GARIN1A: variants seen among roughly 807,000 people sequenced by gnomAD.
The protein encoded by GARIN1A is golgi associated RAB2 interactor 1A, also known as Golgi-associated RAB2 interactor protein 1A.
the GARIN1A span, among the ~76,000 whole-genome samples, chr7:128,688,210 CTA>C: frequency 6.6e-6 from 1 of 152,144 alleles, no homozygotes; most frequent in Non-Finnish European, 1.5e-5. Context: ...TGGGGTTTCA[CTA>C]GGTTGGCCAG....
chr7:128,699,691 G>A, the GARIN1A span, among the ~76,000 whole-genome samples: 1 of 152,122 alleles, frequency 6.6e-6, no homozygotes, highest in South Asian at 2.1e-4. Context: ...AGCATATTCT[G>A]CAATTGTTGG....
chr7:128,684,990 C>T, the GARIN1A span: 1 of 152,012 alleles, frequency 6.6e-6, no homozygotes, highest in Non-Finnish European at 1.5e-5. Context: ...CAACCTCCAC[C>T]TCTCAGGTTC....
the GARIN1A span, among the ~76,000 whole-genome samples, chr7:128,689,794 CA>C: frequency 7.1e-6 from 1 of 141,272 alleles, no homozygotes; most frequent in South Asian, 2.3e-4. Context: ...GGTGGGGGGT[CA>C]GCCCCCGCCC....
At chr7:128,699,707 G>C in the GARIN1A span, among the ~76,000 whole-genome samples, 1 of 152,160 alleles carries the variant, frequency 6.6e-6, no homozygotes. Context: ...GTTGGGTGTA[G>C]TGTTCTCTGC....
At chr7:128,700,416 G>A in the GARIN1A span, among the ~76,000 whole-genome samples, 1 of 151,778 alleles carries the variant, frequency 6.6e-6, no homozygotes, top group South Asian at 2.1e-4. Context: ...AAGTAGCTCA[G>A]ATTACAGGCA....
chr7:128,676,974 A>G, the GARIN1A span, among the ~76,000 whole-genome samples: 1 of 151,244 alleles, frequency 6.6e-6, no homozygotes, highest in Admixed American at 6.6e-5. Flanking sequence ...GGAGTTCAAG[A>G]CCAACCTGGG....
At chr7:128,691,957 G>A in the GARIN1A span, among the ~76,000 whole-genome samples, 1 of 152,204 alleles carries the variant, frequency 6.6e-6, no homozygotes, top group Non-Finnish European at 1.5e-5. Context: ...TCTCCATGCA[G>A]GCGTTGTCGC....
the GARIN1A span, among the ~76,000 whole-genome samples, chr7:128,680,500 A>G: frequency 3.3e-5 from 5 of 151,980 alleles, no homozygotes; most frequent in East Asian, 7.7e-4. Context: ...CCTGGGGTAA[A>G]ACCCTAGTTC....
the GARIN1A span, among the ~76,000 whole-genome samples, chr7:128,690,137 T>A: frequency 1.3e-5 from 2 of 152,246 alleles, no homozygotes; most frequent in East Asian, 3.8e-4. Context: ...AAACATGTGC[T>A]GTGTCCACTC....
At chr7:128,673,447 C>T in the GARIN1A span, among the ~76,000 whole-genome samples, 2 of 152,156 alleles carry the variant, frequency 1.3e-5, no homozygotes, top group Non-Finnish European at 2.9e-5. Flanking sequence ...TGAGAGACTG[C>T]TGAGATTTTG....
chr7:128,689,725 C>A, the GARIN1A span, among the ~76,000 whole-genome samples: 1 of 151,106 alleles, frequency 6.6e-6, no homozygotes, highest in African/African-American at 2.4e-5. Context: ...GGCAGCCACC[C>A]CGTCCGGGAG....
the GARIN1A span, chr7:128,677,945 C>A: frequency 1.5e-6 from 1 of 689,466 alleles, no homozygotes; most frequent in Non-Finnish European, 2.2e-6. Flanking sequence ...TTGATAATTT[C>A]TATTCAGTAG....
the GARIN1A span, among the ~76,000 whole-genome samples, chr7:128,705,703 C>T: frequency 7.1e-6 from 1 of 140,074 alleles, no homozygotes; most frequent in African/African-American, 2.7e-5. Flanking sequence ...CTCACTCTGT[C>T]GCCCAGGCTG....
chr7:128,698,433 G>T, the GARIN1A span, among the ~76,000 whole-genome samples: 1 of 151,870 alleles, frequency 6.6e-6, no homozygotes, highest in Non-Finnish European at 1.5e-5. Flanking sequence ...CATCACCCAC[G>T]CCTCAGAGTC....
chr7:128,706,793 A>G, the GARIN1A span, among the ~76,000 whole-genome samples: 37 of 152,198 alleles, frequency 2.4e-4, no homozygotes, highest in African/African-American at 8.7e-4. Context: ...CTGCGATCCC[A>G]GAGCCTGGTG....
the GARIN1A span, chr7:128,683,821 A>G: frequency 6.5e-6 from 1 of 154,692 alleles, no homozygotes; most frequent in South Asian, 1.8e-4. Flanking sequence ...ATGGTTCCCC[A>G]GGCTGTACAG....
At chr7:128,677,694 T>G in the GARIN1A span, 16 of 1,613,678 alleles carry the variant, frequency 9.9e-6, no homozygotes, top group South Asian at 1.8e-4. Flanking sequence ...TGTGTTTCAA[T>G]TCTGGGTCCG....
chr7:128,700,344 G>A, the GARIN1A span, among the ~76,000 whole-genome samples: 9 of 150,172 alleles, frequency 6.0e-5, no homozygotes, highest in Admixed American at 1.3e-4. Context: ...GCAGTGGCAC[G>A]ATCTCAGCTC....
At chr7:128,706,815 G>A in the GARIN1A span, among the ~76,000 whole-genome samples, 2 of 152,132 alleles carry the variant, frequency 1.3e-5, no homozygotes, top group African/African-American at 4.8e-5. Flanking sequence ...GCTCACCTCT[G>A]TCTCCTTCCC....
Sources: gnomAD v4.1 joint callset for allele counts (sites outside exome capture counted in the v4.1 genomes callset) on GRCh38, gnomAD v4.1.1 for gene constraint, MANE v1.5 for transcripts, NCBI Gene and HGNC (gene_info 2026-07-23, HGNC 2026-07-21) for gene names.